Variants in ITPKA observed in about 807,000 individuals in gnomAD.
ITPKA encodes the protein IP3 3-kinase A.
A neutral mutation model predicts 40.7 loss-of-function variants in ITPKA; 16 were observed. That is an observed-to-expected ratio of 0.39 (90% CI 0.27 to 0.60). ITPKA has a LOEUF of 0.60. Ranked by LOEUF, ITPKA falls within the 20% of genes least tolerant of loss-of-function variation. The pLI, the probability that ITPKA is intolerant of heterozygous loss-of-function variation, is 0.50. For missense variants in ITPKA, 540 were observed against 649.3 expected (o/e 0.83, Z 1.83); for synonymous variants, 313 against 289.9 (o/e 1.08, Z -0.81).
chr15:41,500,780 G>T (rs2051103804), intron 1 of ITPKA, among the ~76,000 whole-genome samples: 4 of 152,016 alleles, frequency 2.6e-5, no homozygotes, highest in Admixed American at 2.6e-4. Flanking sequence ...GGCTGAGGTG[G>T]GTGGAACACC....
chr15:41,502,738 C>T, intron 5 of ITPKA, 50 bp from the exon 6 acceptor site: 1 of 1,501,126 alleles, frequency 6.7e-7, no homozygotes, highest in Non-Finnish European at 9.1e-7. Context: ...AGCAGGGGCT[C>T]ATTTGGCGTT....
chr15:41,502,525 C>A, intron 5 of ITPKA, 22 bp downstream of exon 5: 1 of 1,412,016 alleles, frequency 7.1e-7, no homozygotes, highest in Non-Finnish European at 1.0e-6. Flanking sequence ...ATCCCAAACC[C>A]TGAGGTGTTG....
intron 1 of ITPKA, 23 bp from the exon 2 acceptor site, chr15:41,501,440 G>C (rs767889239): frequency 3.1e-6 from 5 of 1,594,658 alleles, no homozygotes. Flanking sequence ...CCGATTATCA[G>C]ACCTTGACCC....
intron 1 of ITPKA, 115 bp from the exon 2 acceptor site, chr15:41,501,348 C>G (rs1384573384): frequency 6.7e-7 from 1 of 1,494,820 alleles, no homozygotes; most frequent in Non-Finnish European, 8.9e-7. Flanking sequence ...AATGACTCAT[C>G]CAGCCCCAGC....
At chr15:41,502,350 C>T (rs1056808796) in intron 4 of ITPKA, 52 bp from the exon 5 acceptor site, 4 of 1,429,194 alleles carry the variant, frequency 2.8e-6, no homozygotes, top group African/African-American at 1.4e-5. Flanking sequence ...CTACGCTGTC[C>T]TCTTCCCCAC....
At chr15:41,501,604 C>T (rs1477133142) in intron 2 of ITPKA, 31 bp from the exon 3 acceptor site, 4 of 1,583,542 alleles carry the variant, frequency 2.5e-6, no homozygotes, top group Admixed American at 3.5e-5. Flanking sequence ...CGGGAAGGGG[C>T]TGGGCGGCGC....
chr15:41,502,724 C>A, intron 5 of ITPKA, 64 bp from the exon 6 acceptor site: 1 of 1,434,726 alleles, frequency 7.0e-7, no homozygotes, highest in Non-Finnish European at 9.5e-7. Flanking sequence ...GGCTCCTCAT[C>A]GTTAGCAGGG....
At chr15:41,501,371 G>C in intron 1 of ITPKA, 92 bp from the exon 2 acceptor site, 1 of 1,523,624 alleles carries the variant, frequency 6.6e-7, no homozygotes. Context: ...CTTCCGGTGG[G>C]TCGGGGGCGT....
In ITPKA at chr15:41,502,512, G is replaced by A. The variant is rs929143680; in HGVS notation, c.1110+9G>A. ...GAGATGAGGAAGTGCTGGTGAGAGC[G>A]GGATCCCAAACCCTGAGGTGTTGGG... On this transcript the variant is annotated intron_variant, in intron 5 of 6. Transcript: ENST00000260386. 2 of 1,508,896 alleles carry A rather than the reference G, an allele frequency of 1.3e-6. No homozygotes were observed. Among genetic ancestry groups the A allele is most frequent in the Admixed American group, 3.4e-5 (2 of 59,560 alleles). 93.5% of individuals were successfully genotyped at this position (1,508,896 alleles called of 1,614,324 possible).
intron 3 of ITPKA, 42 bp downstream of exon 3, chr15:41,501,893 G>T: frequency 3.1e-6 from 5 of 1,600,338 alleles, no homozygotes; most frequent in Non-Finnish European, 4.3e-6. Flanking sequence ...ATCAAGTAGG[G>T]GTCCGGGGCC....
At chr15:41,502,267 G>C in intron 4 of ITPKA, 66 bp downstream of exon 4, 1 of 1,497,972 alleles carries the variant, frequency 6.7e-7, no homozygotes, top group Non-Finnish European at 9.1e-7. Flanking sequence ...CCGATCCCCC[G>C]CTCCCGCCCC....
In ITPKA at chr15:41,494,191, G is replaced by A; in HGVS notation, c.264G>A (p.Glu88=). 4.6e-6 allele frequency: 7 copies of A among 1,521,154 alleles called. No individual in the cohort carries two copies. The highest frequency in any genetic ancestry group is 6.1e-6 in the Non-Finnish European group (7 of 1,141,740). The allele number at this position is 1,521,154 out of a possible 1,614,324, so 94.2% of individuals were successfully genotyped here. A position where few individuals can be genotyped will look rare whatever the true frequency, so the allele number is the denominator to read the frequency against. ...CTCAGCTGACCGTGACAGCCGAGGAGCCCGACGTGCCCCCGACCAGCCCTG... is the reference window on the plus strand; with the variant it reads ...CTCAGCTGACCGTGACAGCCGAGGAACCCGACGTGCCCCCGACCAGCCCTG... ...VIPQLTVTAE[E]PDVPPTSPGP... is the part of the protein sequence containing the mutation. Residue 88 remains glutamate (E), a synonymous_variant, in exon 1 of 7, where the codon GAG becomes GAA. Transcript: ENST00000260386. The surrounding 1 kb of genome is among the most constrained non-coding windows in gnomAD (Gnocchi z 7.8).
In ITPKA at chr15:41,502,144, G is replaced by T; in HGVS notation, c.951G>T (p.Gln317His). The change falls in exon 4 of 7, where the codon CAG becomes CAT. Residue 317 changes from glutamine (Q) to histidine (H), a missense_variant. By Grantham distance (24) the Gln-to-His change is conservative. Coordinates refer to ENST00000260386, the MANE Select transcript of ITPKA (RefSeq NM_002220.3). ...CCGTCACCAAGCCGCGCTACATGCA[G>T]TGGCGGGAAGGCATCAGCTCCAGCA... ...QRAVTKPRYM[Q>H]WREGISSSTT... 2 of 1,606,058 alleles carry T rather than the reference G, an allele frequency of 1.2e-6. No homozygotes were observed. Among genetic ancestry groups the T allele is most frequent in the Non-Finnish European group, 1.7e-6 (2 of 1,176,898 alleles).
Position 41,503,189 on chromosome 15 carries a change from G to A in ITPKA, c.*23G>A. 1 of 1,528,240 alleles carries A rather than the reference G, an allele frequency of 6.5e-7. No homozygotes were observed. Among genetic ancestry groups the A allele is most frequent in the Non-Finnish European group, 8.9e-7 (1 of 1,123,048 alleles). The allele number at this position is 1,528,240 out of a possible 1,614,324, so 94.7% of individuals were successfully genotyped here. The stretch of plus-strand genomic sequence containing the variant: ...TGAGGCTGGACTCCTGTCCCCGCGG[G>A]CCGCTCACCTGACATGTGGACCTGC... On this transcript the variant is annotated 3_prime_UTR_variant, in exon 7 of 7. Transcript: ENST00000260386.
At chr15:41,500,783 G>A (rs1366996060) in intron 1 of ITPKA, among the ~76,000 whole-genome samples, 2 of 152,066 alleles carry the variant, frequency 1.3e-5, no homozygotes, top group African/African-American at 4.8e-5. Flanking sequence ...TGAGGTGGGT[G>A]GAACACCTGA....
At chr15:41,496,182 C>T (rs149018728) in intron 1 of ITPKA, among the ~76,000 whole-genome samples, 1 of 152,232 alleles carries the variant, frequency 6.6e-6, no homozygotes, top group Admixed American at 6.5e-5. Flanking sequence ...GACTTTGCCT[C>T]GCCGCAGGTC....
rs2051052149 is a variant in ITPKA, at chr15:41,494,046, C to T, written c.119C>T (p.Ala40Val). ...GGGGAGCTGCGCCTGCTCTTCGAGG[C>T]GCGCTGTGCGGCGGTCGCTGCGGCC... ...SVGELRLLFEARCAAVAAAAA... is the reference protein window; with the variant it reads ...SVGELRLLFEVRCAAVAAAAA... Residue 40 changes from alanine (A) to valine (V), a missense_variant, in exon 1 of 7, where the codon GCG (alanine) becomes GTG (valine). Coordinates refer to ENST00000260386, the MANE Select transcript of ITPKA (RefSeq NM_002220.3). This position sits in a 1 kb window ranked among gnomAD's most constrained non-coding sequence, Gnocchi z 7.8. 8.2e-7 allele frequency: 1 copy of T among 1,214,024 alleles called. No individual in the cohort carries two copies. Among genetic ancestry groups the T allele is most frequent in the Non-Finnish European group, 1.0e-6 (1 of 977,784 alleles). 75.2% of individuals were successfully genotyped at this position (1,214,024 alleles called of 1,614,324 possible).
intron 1 of ITPKA, among the ~76,000 whole-genome samples, chr15:41,498,955 G>A (rs979607144): frequency 6.6e-6 from 1 of 152,176 alleles, no homozygotes; most frequent in African/African-American, 2.4e-5. Context: ...GGCAGGGCAT[G>A]AGGGGATGTA....
chr15:41,498,062 A>G (rs952056223), intron 1 of ITPKA, among the ~76,000 whole-genome samples: 1 of 152,140 alleles, frequency 6.6e-6, no homozygotes. Flanking sequence ...CTGAGGCAGG[A>G]GAATCGCTCA....
Sources: gnomAD v4.1 joint callset for allele counts (sites outside exome capture counted in the v4.1 genomes callset) on GRCh38, gnomAD v4.1.1 for gene constraint, Gnocchi (gnomAD v3.1) non-coding constraint, MANE v1.5 for transcripts, NCBI Gene and HGNC (gene_info 2026-07-23, HGNC 2026-07-21) for gene names.